The following MRM1 variants were observed in gnomAD, a reference collection of about 807,000 sequenced individuals.
MRM1 encodes the protein rRNA methyltransferase 1, mitochondrial.
MRM1 carries 24 observed loss-of-function variants against 25.0 expected under a neutral mutation model. That is an observed-to-expected ratio of 0.96 (90% CI 0.69 to 1.35). The LOEUF is 1.35. Among genes scored for constraint, MRM1 ranks in the 40% most tolerant of loss-of-function variants. The pLI is 0.00. For missense variants in MRM1, 431 were observed against 464.1 expected (o/e 0.93, Z 0.65); for synonymous variants, 188 against 199.2 (o/e 0.94, Z 0.47).
downstream of MRM1, among the ~76,000 whole-genome samples, chr17:36,609,700 G>A (rs2074963124): frequency 1.3e-5 from 2 of 152,170 alleles, no homozygotes; most frequent in Non-Finnish European, 2.9e-5. Flanking sequence ...CCTTGGGGGG[G>A]CGCTCCTTAC....
At chr17:36,625,388 TTCG>T in the MRM1 span, among the ~76,000 whole-genome samples, 22 of 151,672 alleles carry the variant, frequency 1.5e-4, no homozygotes, top group African/African-American at 5.3e-4. Context: ...CTCTTCGCTC[TTCG>T]TCTTCTTTCT....
chr17:36,620,637 T>C, the MRM1 span, among the ~76,000 whole-genome samples: 1 of 152,154 alleles, frequency 6.6e-6, no homozygotes, highest in Non-Finnish European at 1.5e-5. Flanking sequence ...ATGTTTGGGG[T>C]TGATGGCCTC....
the MRM1 span, among the ~76,000 whole-genome samples, chr17:36,625,462 C>CTTTTTTTTTTTTTTTTTTTT: frequency 3.2e-4 from 33 of 102,004 alleles, 3 homozygotes; most frequent in African/African-American, 1.3e-3. Context: ...CCTCCTCCTC[C>CTTTTTTTTTTTTTTTTTTTT]TTTTTTTTTT....
chr17:36,617,417 G>T, the MRM1 span, among the ~76,000 whole-genome samples: 1 of 145,036 alleles, frequency 6.9e-6, no homozygotes, highest in Non-Finnish European at 1.5e-5. Context: ...TTTTGAGACG[G>T]AATCTCGCTC....
Position 36,602,657 on chromosome 17 carries a change from G to A in MRM1, c.636+11G>A, listed in dbSNP as rs200878030. On this transcript the variant is annotated intron_variant, in intron 2 of 4. Transcript: ENST00000614766. This position sits in a 1 kb window ranked among gnomAD's most constrained non-coding sequence, Gnocchi z 4.1. ...ACCGGATTTTTACAGGTAATGAGGGGCAAGAGGGGAAGGAACAGATGTGAG... is the reference window on the plus strand; with the variant it reads ...ACCGGATTTTTACAGGTAATGAGGGACAAGAGGGGAAGGAACAGATGTGAG... 46 of 1,613,790 alleles carry A rather than the reference G, an allele frequency of 2.9e-5. No homozygotes were observed. In the South Asian group the frequency reaches 3.8e-4, roughly 13 times the overall value.
At chr17:36,613,752 C>T (rs981826191), downstream of MRM1, among the ~76,000 whole-genome samples, 7 of 152,062 alleles carry the variant, frequency 4.6e-5, no homozygotes, top group Admixed American at 2.0e-4. Flanking sequence ...GTGTACTGGG[C>T]GCGCTGCCTT....
the MRM1 span, among the ~76,000 whole-genome samples, chr17:36,626,159 G>C: frequency 2.0e-5 from 3 of 152,176 alleles, no homozygotes; most frequent in Non-Finnish European, 2.9e-5. Flanking sequence ...CTGCTATGCT[G>C]TCCCCTGGAC....
chr17:36,627,494 C>G, the MRM1 span, among the ~76,000 whole-genome samples: 4 of 152,158 alleles, frequency 2.6e-5, no homozygotes, highest in Non-Finnish European at 5.9e-5. Context: ...ACCTGGTTAC[C>G]CCTGGCCTGT....
chr17:36,619,239 GAAT>G, the MRM1 span, among the ~76,000 whole-genome samples: 1 of 152,196 alleles, frequency 6.6e-6, no homozygotes, highest in Non-Finnish European at 1.5e-5. Flanking sequence ...TTTTAAGACT[GAAT>G]AATATTTCAT....
At chr17:36,619,474 C>T in the MRM1 span, among the ~76,000 whole-genome samples, 2 of 152,176 alleles carry the variant, frequency 1.3e-5, no homozygotes, top group African/African-American at 4.8e-5. Context: ...TCAAGACCAG[C>T]CTGGCCAACA....
the MRM1 span, among the ~76,000 whole-genome samples, chr17:36,614,192 C>T: frequency 9.2e-5 from 14 of 152,230 alleles, no homozygotes; most frequent in Admixed American, 6.5e-4. Flanking sequence ...GGGCAAGTCC[C>T]AGCTCATTAC....
At chr17:36,630,864 G>T in the MRM1 span, among the ~76,000 whole-genome samples, 4 of 152,188 alleles carry the variant, frequency 2.6e-5, no homozygotes, top group Admixed American at 2.6e-4. Flanking sequence ...AGAACCTCAT[G>T]TGGGCTAGGC....
intron 2 of MRM1, chr17:36,603,173 C>T (rs987572173): frequency 6.1e-6 from 6 of 982,724 alleles, no homozygotes; most frequent in Non-Finnish European, 6.0e-6. Flanking sequence ...CCATACCCCC[C>T]CCAACCCCCA....
chr17:36,605,440 C>T (rs1200074630), intron 2 of MRM1, among the ~76,000 whole-genome samples: 1 of 151,830 alleles, frequency 6.6e-6, no homozygotes, highest in Non-Finnish European at 1.5e-5. Flanking sequence ...TCCCAAAATG[C>T]TGGGATTACA....
At chr17:36,603,081 C>T in intron 2 of MRM1, 7 of 985,412 alleles carry the variant, frequency 7.1e-6, no homozygotes, top group Non-Finnish European at 8.4e-6. Flanking sequence ...GGAAACCCCT[C>T]TCCCATCCGT....
intron 2 of MRM1, among the ~76,000 whole-genome samples, chr17:36,603,647 C>T (rs562336835): frequency 1.3e-5 from 2 of 152,118 alleles, no homozygotes; most frequent in African/African-American, 2.4e-5. Context: ...GATCCACTCG[C>T]CTCGGCCTCC....
chr17:36,602,353 G>A lies in MRM1; in HGVS notation c.542+1G>A. 6.4e-7 allele frequency: 1 copy of A among 1,555,510 alleles called. No individual in the cohort carries two copies. Among genetic ancestry groups the A allele is most frequent in the African/African-American group, 1.4e-5 (1 of 73,434 alleles). Reference sequence around the variant, plus strand: ...AGGTCATCACCAGCCGGAGAAACAGGCACGGACGTCCCTCATTCTCTATGT... The same window carrying A: ...AGGTCATCACCAGCCGGAGAAACAGACACGGACGTCCCTCATTCTCTATGT... On this transcript the variant is annotated splice_donor_variant, in intron 1 of 4. Transcript: ENST00000614766. LOFTEE classifies it high-confidence loss of function. The surrounding 1 kb of genome is among the most constrained non-coding windows in gnomAD (Gnocchi z 4.1).
downstream of MRM1, among the ~76,000 whole-genome samples, chr17:36,611,873 C>T (rs1768887197): frequency 6.6e-6 from 1 of 152,140 alleles, no homozygotes; most frequent in South Asian, 2.1e-4. Flanking sequence ...GTCCAGCTTG[C>T]TGACTCACCC....
chr17:36,632,591 A>G, the MRM1 span, among the ~76,000 whole-genome samples: 1 of 150,360 alleles, frequency 6.7e-6, no homozygotes, highest in African/African-American at 2.4e-5. Flanking sequence ...GATTTGGGCA[A>G]TTTTGTGCTC....
Sources: gnomAD v4.1 joint callset for allele counts (sites outside exome capture counted in the v4.1 genomes callset) on GRCh38, gnomAD v4.1.1 for gene constraint, Gnocchi (gnomAD v3.1) non-coding constraint, MANE v1.5 for transcripts, NCBI Gene and HGNC (gene_info 2026-07-23, HGNC 2026-07-21) for gene names.